The following RCOR1 variants were observed in gnomAD, a reference collection of about 807,000 sequenced individuals.
RCOR1 encodes REST corepressor 1, also known as REST corepressor.
A neutral mutation model predicts 64.0 loss-of-function variants in RCOR1; 12 were observed. That is an observed-to-expected ratio of 0.19 (90% CI 0.12 to 0.30). The LOEUF is 0.30. RCOR1 is among the 10% of genes least tolerant of loss of function. The pLI, the probability that RCOR1 is intolerant of heterozygous loss-of-function variation, is 1.00. For missense variants in RCOR1, 502 were observed against 621.2 expected, an observed-to-expected ratio of 0.81 and a Z score of 2.04; for synonymous variants, 279 against 227.2, an observed-to-expected ratio of 1.23 and a Z score of -2.05.
intron 2 of RCOR1, among the ~76,000 whole-genome samples, chr14:102,637,136 T>TA (rs961086614): frequency 1.3e-4 from 19 of 151,168 alleles, no homozygotes; most frequent in African/African-American, 2.9e-4. Context: ...TTTTTATTTT[T>TA]TTTTTTTTGA....
intron 6 of RCOR1, 137 bp from the exon 7 acceptor site, chr14:102,710,798 T>C (rs1408833606): frequency 1.5e-6 from 1 of 653,578 alleles, no homozygotes; most frequent in African/African-American, 1.9e-5. Flanking sequence ...CCTGAAAACA[T>C]ACTAATTTTA....
chr14:102,609,688 C>T (rs1260619904), intron 2 of RCOR1, among the ~76,000 whole-genome samples: 1 of 151,696 alleles, frequency 6.6e-6, no homozygotes, highest in Non-Finnish European at 1.5e-5. Context: ...CTCAGGTGAT[C>T]TGCCTGTCTC....
intron 11 of RCOR1, among the ~76,000 whole-genome samples, chr14:102,723,151 A>G (rs550711458): frequency 6.6e-6 from 1 of 152,342 alleles, no homozygotes; most frequent in South Asian, 2.1e-4. Context: ...TTGCATCTGA[A>G]TTTGTTCACA....
At chr14:102,643,504 G>T (rs553565406) in intron 2 of RCOR1, 1 of 199,346 alleles carries the variant, frequency 5.0e-6, no homozygotes, top group Admixed American at 6.5e-5. Context: ...TGGTAGTGAT[G>T]CTGGAGGAAG....
chr14:102,681,956 T>C lies in RCOR1; in HGVS notation c.423T>C (p.Asn141=), dbSNP rs950721794. Residue 141 remains asparagine (N), a synonymous_variant, in exon 3 of 12, where the codon AAT becomes AAC. Transcript: ENST00000262241. ...TTGGCATGTTGGTCTGGTCACCCAATCAAAATCTGTCAGAAGCAAAGTGTA... is the reference window on the plus strand; with the variant it reads ...TTGGCATGTTGGTCTGGTCACCCAACCAAAATCTGTCAGAAGCAAAGTGTA... ...DNLGMLVWSP[N]QNLSEAKLDE... 13 of 1,613,370 alleles carry C rather than the reference T, an allele frequency of 8.1e-6. No homozygotes were observed. The highest frequency in any genetic ancestry group is 1.3e-5 in the African/African-American group (1 of 75,046).
chr14:102,723,145 A>G (rs1595247458), intron 11 of RCOR1, among the ~76,000 whole-genome samples: 2 of 152,364 alleles, frequency 1.3e-5, no homozygotes, highest in East Asian at 3.9e-4. Context: ...ATCACTTTGC[A>G]TCTGAATTTG....
chr14:102,597,213 C>T (rs1357967268), intron 2 of RCOR1, among the ~76,000 whole-genome samples: 2 of 151,924 alleles, frequency 1.3e-5, no homozygotes, highest in African/African-American at 4.8e-5. Context: ...TTCTCTTTTA[C>T]TAGAATTTGA....
In RCOR1 at chr14:102,708,524, G is replaced by A; in HGVS notation, c.720G>A (p.Arg240=). The change falls in exon 6 of 12, where the codon AGG becomes AGA. Residue 240 remains arginine, a synonymous_variant. Transcript: ENST00000262241. Reference sequence around the variant, plus strand: ...TTTACTATTCTTGGAAGAAGACGAGGACTAAAACTAGTGTGATGGATCGCC... The same window carrying A: ...TTTACTATTCTTGGAAGAAGACGAGAACTAAAACTAGTGTGATGGATCGCC... ...VKFYYSWKKT[R]TKTSVMDRHA... The A allele has an allele frequency of 1.9e-6, 3 of 1,612,864 alleles. No homozygotes were observed. Among genetic ancestry groups the A allele is most frequent in the Non-Finnish European group, 2.5e-6 (3 of 1,179,014 alleles).
Position 102,728,237 on chromosome 14 carries a change from C to A in RCOR1, c.*1731C>A, listed in dbSNP as rs1896309180. 1 of 151,998 alleles carries A rather than the reference C, an allele frequency of 6.6e-6. No homozygotes were observed. Among genetic ancestry groups the A allele is most frequent in the South Asian group, 2.1e-4 (1 of 4,822 alleles). 9.4% of individuals were successfully genotyped at this position (151,998 alleles called of 1,614,324 possible). On this transcript the variant is annotated 3_prime_UTR_variant, in exon 12 of 12. Transcript: ENST00000262241. ...AGGAAAGTACAATGGGACTTGCTGC[C>A]CTTCATCATCTCGTTCCCGTGCCAG...
chr14:102,597,522 T>G (rs567441190), intron 2 of RCOR1, among the ~76,000 whole-genome samples: 41 of 151,368 alleles, frequency 2.7e-4, no homozygotes, highest in Admixed American at 1.5e-3. Context: ...AGAGATGAGG[T>G]TTCACCTTGT....
At chr14:102,708,306 T>C (rs1292540872) in intron 5 of RCOR1, among the ~76,000 whole-genome samples, 159 bp from the exon 6 acceptor site, 1 of 152,162 alleles carries the variant, frequency 6.6e-6, no homozygotes, top group African/African-American at 2.4e-5. Flanking sequence ...TTCACCATAT[T>C]AGCCAGGATG....
chr14:102,701,417 A>G, intron 4 of RCOR1, 87 bp downstream of exon 4: 1 of 1,043,222 alleles, frequency 9.6e-7, no homozygotes, highest in Non-Finnish European at 1.4e-6. Flanking sequence ...TGTATTGAGT[A>G]GCAGTGTTTC....
intron 2 of RCOR1, among the ~76,000 whole-genome samples, chr14:102,644,468 C>G (rs965231698): frequency 5.9e-5 from 9 of 152,210 alleles, no homozygotes; most frequent in African/African-American, 2.2e-4. Context: ...AAAACACAAT[C>G]TACCACATTT....
chr14:102,690,045 A>AT (rs143029220), intron 3 of RCOR1, among the ~76,000 whole-genome samples: 17,934 of 150,018 alleles, frequency 0.12, 1,202 homozygotes, highest in African/African-American at 0.18. Flanking sequence ...GCCCGGCCTG[A>AT]TTTTTTTTTT....
At chr14:102,680,969 T>C (rs59044678) in intron 2 of RCOR1, among the ~76,000 whole-genome samples, 4,330 of 152,300 alleles carry the variant, frequency 0.028, 207 homozygotes, top group African/African-American at 0.1. Flanking sequence ...TTCTTTAAAG[T>C]AACTGCCTCT....
chr14:102,634,774 A>G (rs1894201911), intron 2 of RCOR1, among the ~76,000 whole-genome samples: 1 of 151,478 alleles, frequency 6.6e-6, no homozygotes, highest in Non-Finnish European at 1.5e-5. Flanking sequence ...TCGACTCACG[A>G]CAACCTCTAC....
chr14:102,684,953 G>T (rs944153513), intron 3 of RCOR1, among the ~76,000 whole-genome samples: 1 of 152,040 alleles, frequency 6.6e-6, no homozygotes, highest in Non-Finnish European at 1.5e-5. Context: ...TGGAAGTCTT[G>T]GTTGTCCAGC....
intron 2 of RCOR1, among the ~76,000 whole-genome samples, chr14:102,674,559 G>A (rs1895099770): frequency 6.6e-6 from 1 of 152,152 alleles, no homozygotes; most frequent in African/African-American, 2.4e-5. Flanking sequence ...ATGTAGTCTA[G>A]AAATGGAATT....
chr14:102,702,725 G>A (rs1432083385), intron 4 of RCOR1, among the ~76,000 whole-genome samples: 1 of 152,072 alleles, frequency 6.6e-6, no homozygotes, highest in African/African-American at 2.4e-5. Context: ...AAACAAAACT[G>A]TAGTAAAAAC....
Sources: allele counts gnomAD v4.1 joint callset (sites outside exome capture counted in the v4.1 genomes callset), GRCh38; gene constraint gnomAD v4.1.1; transcripts MANE v1.5; gene names NCBI Gene and HGNC (gene_info 2026-07-23, HGNC 2026-07-21).